LMBRD2: variants seen among roughly 807,000 people sequenced by gnomAD.
The protein encoded by LMBRD2 is LMBR1 domain containing 2.
In LMBRD2, 55 loss-of-function variants were observed where a neutral mutation model predicts 94.4. The observed-to-expected ratio is 0.58, with a 90% CI of 0.47 to 0.73. The LOEUF is 0.73. Among genes scored for constraint, LMBRD2 ranks in the 30% least tolerant of loss-of-function variants. LMBRD2 has a pLI of 0.00. For missense variants in LMBRD2, 640 were observed against 831.9 expected (o/e 0.77, Z 2.84); for synonymous variants, 246 against 272.4 (o/e 0.90, Z 0.95).
chr5:36,109,205 A>G (rs575944324), intron 15 of LMBRD2, among the ~76,000 whole-genome samples: 47 of 152,222 alleles, frequency 3.1e-4, no homozygotes, highest in African/African-American at 1.0e-3. Context: ...ATTCTAAAAC[A>G]TCCTTGCCAG....
intron 6 of LMBRD2, among the ~76,000 whole-genome samples, chr5:36,133,079 A>G (rs760237149): frequency 2.6e-5 from 4 of 151,952 alleles, no homozygotes; most frequent in Non-Finnish European, 4.4e-5. Flanking sequence ...AAATCACTAT[A>G]TCAAAGAAAT....
At chr5:36,135,205 T>C (rs933696807) in intron 6 of LMBRD2, among the ~76,000 whole-genome samples, 2 of 152,176 alleles carry the variant, frequency 1.3e-5, no homozygotes, top group Admixed American at 6.5e-5. Flanking sequence ...TTCCTAGCCA[T>C]GTAGACATGA....
chr5:36,114,813 T>C (rs1309754898), intron 12 of LMBRD2, among the ~76,000 whole-genome samples: 1 of 152,116 alleles, frequency 6.6e-6, no homozygotes, highest in African/African-American at 2.4e-5. Context: ...AGACAACATA[T>C]ATGAACCAAA....
intron 6 of LMBRD2, among the ~76,000 whole-genome samples, chr5:36,125,915 G>A (rs749275824): frequency 6.6e-6 from 1 of 152,156 alleles, no homozygotes; most frequent in African/African-American, 2.4e-5. Flanking sequence ...TCCAGGCAAA[G>A]AGACAGGGAC....
At chr5:36,114,616 A>G in intron 12 of LMBRD2, 95 bp from the exon 13 acceptor site, 1 of 1,331,692 alleles carries the variant, frequency 7.5e-7, no homozygotes, top group Non-Finnish European at 9.7e-7. Context: ...CAGTTATATC[A>G]ATCCATTTGA....
chr5:36,150,984 A>AC (rs1367364247), intron 1 of LMBRD2, among the ~76,000 whole-genome samples: 1 of 152,166 alleles, frequency 6.6e-6, no homozygotes. Flanking sequence ...ATAAATCTTC[A>AC]TTTTTATGAG....
chr5:36,114,641 A>G, intron 12 of LMBRD2, 120 bp from the exon 13 acceptor site: 1 of 1,228,100 alleles, frequency 8.1e-7, no homozygotes, highest in Non-Finnish European at 1.1e-6. Flanking sequence ...TTTAAAAAGT[A>G]GAAAAAAAGC....
chr5:36,116,417 CA>C, intron 11 of LMBRD2, 42 bp downstream of exon 11: 1 of 1,572,924 alleles, frequency 6.4e-7, no homozygotes, highest in South Asian at 1.1e-5. Context: ...AGAATACACT[CA>C]ATGATGACAT....
intron 15 of LMBRD2, among the ~76,000 whole-genome samples, chr5:36,108,884 C>G (rs1221679074): frequency 6.6e-6 from 1 of 152,046 alleles, no homozygotes; most frequent in African/African-American, 2.4e-5. Context: ...TTGGTTGTTA[C>G]TCATCTATCT....
intron 7 of LMBRD2, 146 bp downstream of exon 7, chr5:36,124,045 G>A: frequency 2.1e-6 from 1 of 468,958 alleles, no homozygotes; most frequent in Admixed American, 4.0e-5. Flanking sequence ...AAAATTCAAA[G>A]TACAAATGGT....
intron 15 of LMBRD2, among the ~76,000 whole-genome samples, chr5:36,109,262 G>C (rs1225947033): frequency 6.6e-6 from 1 of 151,982 alleles, no homozygotes; most frequent in Admixed American, 6.6e-5. Context: ...TCCTATGTCC[G>C]AGAAGCCTAT....
In LMBRD2 at chr5:36,100,134, C is replaced by G. The variant is rs1743317322; in HGVS notation, c.*3912G>C. ...CTTCTGTAACCTTCTTATATTGTTT[C>G]AACGCTCCTAAGAAAAGTTTTGATG... On this transcript the variant is annotated 3_prime_UTR_variant, in exon 18 of 18. Coordinates refer to ENST00000296603, the MANE Select transcript of LMBRD2 (RefSeq NM_001007527.2). The G allele has an allele frequency of 6.6e-6, 1 of 152,088 alleles. No homozygotes were observed. Among genetic ancestry groups the G allele is most frequent in the Non-Finnish European group, 1.5e-5 (1 of 67,998 alleles). The allele number at this position is 152,088 out of a possible 1,614,324, so 9.4% of individuals were successfully genotyped here.
chr5:36,104,022 T>C lies in LMBRD2; in HGVS notation c.*24A>G, dbSNP rs1743406851. On this transcript the variant is annotated 3_prime_UTR_variant, in exon 18 of 18. Coordinates refer to ENST00000296603, the MANE Select transcript of LMBRD2 (RefSeq NM_001007527.2). The stretch of plus-strand genomic sequence containing the variant: ...GAACTGATGTGTTGACCTTGGTTAG[T>C]GGTCCCACAAACTTTTTCAGACTTT... 1 of 1,580,874 alleles carries C rather than the reference T, an allele frequency of 6.3e-7. No individual in the cohort carries two copies. Among genetic ancestry groups the C allele is most frequent in the African/African-American group, 1.3e-5 (1 of 74,184 alleles).
At chr5:36,130,916 GAACT>G (rs1232337621) in intron 6 of LMBRD2, among the ~76,000 whole-genome samples, 1 of 152,194 alleles carries the variant, frequency 6.6e-6, no homozygotes, top group Middle Eastern at 3.4e-3. Context: ...AACATTTAAA[GAACT>G]AACACAAATC....
chr5:36,141,300 T>G (rs1744404576), intron 3 of LMBRD2, 98 bp from the exon 4 acceptor site: 1 of 638,898 alleles, frequency 1.6e-6, no homozygotes, highest in Non-Finnish European at 2.7e-6. Context: ...ACATTCAGAT[T>G]TTAAATTACT....
Position 36,099,291 on chromosome 5 carries a change from C to A in LMBRD2, c.*4755G>T, listed in dbSNP as rs988572269. On this transcript the variant is annotated 3_prime_UTR_variant, in exon 18 of 18. Transcript: ENST00000296603. ...AAAATTAAATATCAGAAAGTGAGAACATCAATATTAGAGCTCTGTTGTATC... is the reference window on the plus strand; with the variant it reads ...AAAATTAAATATCAGAAAGTGAGAAAATCAATATTAGAGCTCTGTTGTATC... The A allele has an allele frequency of 3.2e-4, 48 of 152,060 alleles. 1 individual carries two copies. Among genetic ancestry groups the A allele is most frequent in the Admixed American group, 3.1e-3 (48 of 15,264 alleles). 9.4% of individuals were successfully genotyped at this position (152,060 alleles called of 1,614,324 possible).
intron 6 of LMBRD2, among the ~76,000 whole-genome samples, chr5:36,127,159 C>T (rs1017568617): frequency 5.9e-5 from 9 of 152,210 alleles, no homozygotes; most frequent in African/African-American, 2.2e-4. Flanking sequence ...GCCAGTTCTG[C>T]ATAGCACTTA....
rs1743687202 is a variant in LMBRD2 at position 36,114,302 on chromosome 5, C to T, written c.1640+122G>A. ...TCAAGTAGTCCCTTCAAACTATCCCCAGCTTCTCCAAAGCTACAATGAAAC... is the reference window on the plus strand; with the variant it reads ...TCAAGTAGTCCCTTCAAACTATCCCTAGCTTCTCCAAAGCTACAATGAAAC... On this transcript the variant is annotated intron_variant, in intron 13 of 17. Coordinates refer to ENST00000296603, the MANE Select transcript of LMBRD2 (RefSeq NM_001007527.2). 3 of 1,217,514 alleles carry T rather than the reference C, an allele frequency of 2.5e-6. No homozygotes were observed. The South Asian group carries it at 5.4e-5, about 22-fold the overall frequency. 75.4% of individuals were successfully genotyped at this position (1,217,514 alleles called of 1,614,324 possible). A position where few individuals can be genotyped will look rare whatever the true frequency, so the allele number is the denominator to read the frequency against.
intron 6 of LMBRD2, among the ~76,000 whole-genome samples, chr5:36,127,349 C>T (rs1241867538): frequency 6.6e-6 from 1 of 152,146 alleles, no homozygotes; most frequent in African/African-American, 2.4e-5. Context: ...CACTGATTGT[C>T]CTCCTCACAG....
Sources: gnomAD v4.1 joint callset for allele counts (sites outside exome capture counted in the v4.1 genomes callset) on GRCh38, gnomAD v4.1.1 for gene constraint, MANE v1.5 for transcripts, NCBI Gene and HGNC (gene_info 2026-07-23, HGNC 2026-07-21) for gene names.